The following SPATA9 variants were observed in gnomAD, a reference collection of about 807,000 sequenced individuals.
SPATA9 encodes spermatogenesis-associated protein 9.
SPATA9 carries 27 observed loss-of-function variants against 25.5 expected under a neutral mutation model. The observed-to-expected ratio is 1.06, with a 90% confidence interval of 0.78 to 1.46. SPATA9 has a LOEUF of 1.46. Ranked by LOEUF, SPATA9 falls within the 40% of genes most tolerant of loss-of-function variation. The pLI, the probability that SPATA9 is intolerant of heterozygous loss-of-function variation, is 0.00. For missense variants in SPATA9, 282 were observed against 297.5 expected (o/e 0.95, Z 0.38); for synonymous variants, 102 against 105.7 (o/e 0.97, Z 0.21).
downstream of SPATA9, chr5:95,656,177 A>G (rs1214828976): frequency 6.2e-7 from 1 of 1,614,114 alleles, no homozygotes; most frequent in Admixed American, 1.7e-5. Context: ...GCTCCAAAGG[A>G]ATAAAGCAAA....
intron 4 of SPATA9, among the ~76,000 whole-genome samples, chr5:95,660,014 T>A (rs1388726315): frequency 6.6e-6 from 1 of 152,080 alleles, no homozygotes; most frequent in East Asian, 1.9e-4. Context: ...GACTAAAAAG[T>A]TTTTAGAAGA....
chr5:95,731,859 G>T, the SPATA9 span: 1 of 1,612,566 alleles, frequency 6.2e-7, no homozygotes, highest in Non-Finnish European at 8.5e-7. Context: ...GTCCGTGCAG[G>T]TCCATCCACA....
intron 3 of SPATA9, 67 bp from the exon 4 acceptor site, chr5:95,664,115 AT>A: frequency 2.3e-6 from 2 of 859,508 alleles, no homozygotes; most frequent in Non-Finnish European, 3.5e-6. Flanking sequence ...ATATTGTACA[AT>A]GTTACTGTAA....
At chr5:95,656,169 T>G, downstream of SPATA9, 2 of 1,614,034 alleles carry the variant, frequency 1.2e-6, no homozygotes, top group Non-Finnish European at 1.7e-6. Context: ...CAAGTGGTGC[T>G]CCAAAGGAAT....
At chr5:95,731,154 C>T in the SPATA9 span, 2 of 1,018,192 alleles carry the variant, frequency 2.0e-6, no homozygotes, top group African/African-American at 3.5e-5. Context: ...CCCGCGCGGG[C>T]GGCTCCTTTG....
At chr5:95,719,088 A>T in the SPATA9 span, among the ~76,000 whole-genome samples, 1 of 152,192 alleles carries the variant, frequency 6.6e-6, no homozygotes, top group Non-Finnish European at 1.5e-5. Flanking sequence ...TCATGAAGAC[A>T]TTGAGATCAT....
At chr5:95,677,091 C>T (rs1753007176) in intron 2 of SPATA9, among the ~76,000 whole-genome samples, 1 of 152,216 alleles carries the variant, frequency 6.6e-6, no homozygotes, top group Admixed American at 6.5e-5. Flanking sequence ...TTCTTGGTCA[C>T]TCTACCAAAA....
intron 2 of SPATA9, among the ~76,000 whole-genome samples, chr5:95,679,515 T>C (rs1233250495): frequency 6.6e-6 from 1 of 152,224 alleles, no homozygotes; most frequent in Non-Finnish European, 1.5e-5. Context: ...TTAGCTGATC[T>C]GACCAGCACT....
At chr5:95,669,563 C>T (rs922916270) in intron 3 of SPATA9, among the ~76,000 whole-genome samples, 1 of 152,072 alleles carries the variant, frequency 6.6e-6, no homozygotes, top group Non-Finnish European at 1.5e-5. Context: ...TATACCATGC[C>T]GCAGTATGCA....
chr5:95,692,149 T>C (rs1463023808), intron 1 of SPATA9, among the ~76,000 whole-genome samples: 1 of 152,164 alleles, frequency 6.6e-6, no homozygotes, highest in Non-Finnish European at 1.5e-5. Flanking sequence ...CTTAACAGAT[T>C]GGTATTAAAT....
At chr5:95,685,100 G>A (rs1005554588), upstream of SPATA9, among the ~76,000 whole-genome samples, 25 of 152,214 alleles carry the variant, frequency 1.6e-4, no homozygotes, top group African/African-American at 5.3e-4. Flanking sequence ...AGGCTTTGCC[G>A]TGGGCAAATT....
chr5:95,654,802 T>C (rs779909522), downstream of SPATA9, among the ~76,000 whole-genome samples: 2 of 152,180 alleles, frequency 1.3e-5, no homozygotes, highest in Non-Finnish European at 2.9e-5. Flanking sequence ...AGGATGATAA[T>C]AGTCTTATGA....
the SPATA9 span, among the ~76,000 whole-genome samples, chr5:95,722,327 C>G: frequency 6.6e-6 from 1 of 152,060 alleles, no homozygotes; most frequent in African/African-American, 2.4e-5. Context: ...GATATACCAG[C>G]AAAGTATTAT....
intron 3 of SPATA9, among the ~76,000 whole-genome samples, chr5:95,671,044 T>C (rs910922073): frequency 1.3e-5 from 2 of 152,214 alleles, no homozygotes; most frequent in Non-Finnish European, 2.9e-5. Flanking sequence ...TGTTCTCACT[T>C]GTCTCACTCC....
chr5:95,722,664 A>AT, the SPATA9 span, among the ~76,000 whole-genome samples: 3 of 152,100 alleles, frequency 2.0e-5, no homozygotes, highest in Non-Finnish European at 4.4e-5. Flanking sequence ...TAATTTTTGT[A>AT]TTTTTAGTAG....
At chr5:95,652,204 G>C (rs773830209), downstream of SPATA9, 47 of 1,488,934 alleles carry the variant, frequency 3.2e-5, no homozygotes, top group Non-Finnish European at 4.1e-5. Flanking sequence ...AATTTCATTT[G>C]ATTAGCAATA....
At chr5:95,679,046 G>A (rs1442493515) in intron 2 of SPATA9, among the ~76,000 whole-genome samples, 1 of 152,116 alleles carries the variant, frequency 6.6e-6, no homozygotes, top group Non-Finnish European at 1.5e-5. Flanking sequence ...TTTATCTTTG[G>A]GGATCACAAT....
upstream of SPATA9, among the ~76,000 whole-genome samples, chr5:95,683,520 T>A (rs1216253555): frequency 6.6e-6 from 1 of 152,030 alleles, no homozygotes; most frequent in Admixed American, 6.6e-5. Flanking sequence ...CTGCCTAGTT[T>A]TATATATATA....
At chr5:95,712,702 C>T in the SPATA9 span, among the ~76,000 whole-genome samples, 1 of 152,166 alleles carries the variant, frequency 6.6e-6, no homozygotes, top group African/African-American at 2.4e-5. Flanking sequence ...TTGAGTTTTC[C>T]CACCTGAGGC....
Sources: gnomAD v4.1 joint callset for allele counts (sites outside exome capture counted in the v4.1 genomes callset) on GRCh38, gnomAD v4.1.1 for gene constraint, MANE v1.5 for transcripts, NCBI Gene and HGNC (gene_info 2026-07-23, HGNC 2026-07-21) for gene names.